The following SCX variants were observed in gnomAD, a reference collection of about 807,000 sequenced individuals.
SCX encodes the protein scleraxis bHLH transcription factor.
SCX carries 7 observed loss-of-function variants against 12.2 expected under a neutral mutation model. The observed-to-expected ratio is 0.57, with a 90% CI of 0.33 to 1.08. The LOEUF is 1.08. SCX is among the 50% of genes least tolerant of loss of function. The pLI, the probability that SCX is intolerant of heterozygous loss-of-function variation, is 0.04. For missense variants in SCX, 342 were observed against 337.2 expected, an observed-to-expected ratio of 1.01 and a Z score of -0.11; for synonymous variants, 193 against 163.9, an observed-to-expected ratio of 1.18 and a Z score of -1.36.
chr8:144,267,897 C>T (rs1245999812), intron 1 of SCX, among the ~76,000 whole-genome samples: 3 of 152,224 alleles, frequency 2.0e-5, no homozygotes, highest in African/African-American at 4.8e-5. Flanking sequence ...GCTCCTGGGG[C>T]CTGAACATCT....
At position 144,266,588 on chromosome 8, in the gene SCX, G is replaced by A. The variant is rs1443210730; in HGVS notation, c.-26G>A. On this transcript the variant is annotated 5_prime_UTR_variant, in exon 1 of 2. Transcript: ENST00000567180. Reference sequence around the variant, plus strand: ...GGCGGCATGAGCAGCGCGCGACAGAGCTGACGCCGCGCCCCCGCCGGCCCC... The same window carrying A: ...GGCGGCATGAGCAGCGCGCGACAGAACTGACGCCGCGCCCCCGCCGGCCCC... The A allele has an allele frequency of 1.8e-6, 2 of 1,088,840 alleles. No homozygotes were observed. Among genetic ancestry groups the A allele is most frequent in the Non-Finnish European group, 1.1e-6 (1 of 892,290 alleles). 67.4% of individuals were successfully genotyped at this position (1,088,840 alleles called of 1,614,324 possible). A position where few individuals can be genotyped will look rare whatever the true frequency, so the allele number is the denominator to read the frequency against.
chr8:144,267,208 G>A, intron 1 of SCX, 28 bp downstream of exon 1: 6 of 1,493,240 alleles, frequency 4.0e-6, no homozygotes, highest in South Asian at 1.3e-5. Flanking sequence ...GGCGCCGAGG[G>A]GGGCCTCCAA....
At chr8:144,268,004 G>T in intron 1 of SCX, 100 bp from the exon 2 acceptor site, 1 of 1,528,954 alleles carries the variant, frequency 6.5e-7, no homozygotes, top group Admixed American at 2.0e-5. Flanking sequence ...GAGGTGCCTT[G>T]GCGCTGGCCA....
At chr8:144,267,379 C>T (rs993974975) in intron 1 of SCX, among the ~76,000 whole-genome samples, 199 bp downstream of exon 1, 2 of 152,082 alleles carry the variant, frequency 1.3e-5, no homozygotes, top group Admixed American at 6.5e-5. Context: ...ACTCGGCTCC[C>T]AGTGGAGTGT....
At chr8:144,267,290 A>G in intron 1 of SCX, 110 bp downstream of exon 1, 1 of 1,280,988 alleles carries the variant, frequency 7.8e-7, no homozygotes, top group Admixed American at 3.2e-5. Context: ...AACAGGGCAC[A>G]GGCAGGCACA....
Position 144,266,467 on chromosome 8 carries a change from A to T in SCX, c.-147A>T, listed in dbSNP as rs1225443446. 7 of 978,504 alleles carry T rather than the reference A, an allele frequency of 7.2e-6. No homozygotes were observed. Among genetic ancestry groups the T allele is most frequent in the Non-Finnish European group, 8.5e-6 (7 of 824,204 alleles). 60.6% of individuals were successfully genotyped at this position (978,504 alleles called of 1,614,324 possible). The stretch of plus-strand genomic sequence containing the variant: ...GGCCCCGCTCCGGCCCGGGACGCAC[A>T]TGTGCGCGCGACGCCCGGCAGCTGC... On this transcript the variant is annotated 5_prime_UTR_variant, in exon 1 of 2. It removes an upstream start codon present in the reference 5' UTR. Coordinates refer to ENST00000567180, the MANE Select transcript of SCX (RefSeq NM_001080514.3).
intron 1 of SCX, 134 bp downstream of exon 1, chr8:144,267,314 C>A: frequency 4.5e-6 from 5 of 1,113,886 alleles, no homozygotes; most frequent in East Asian, 3.5e-5. Flanking sequence ...GTAACACAGG[C>A]CTGCCGGGGG....
intron 1 of SCX, 39 bp downstream of exon 1, chr8:144,267,219 C>T: frequency 2.0e-6 from 3 of 1,485,008 alleles, no homozygotes; most frequent in African/African-American, 1.5e-5. Context: ...GGGCCTCCAA[C>T]GCGCCCCTCA....
intron 1 of SCX, 81 bp downstream of exon 1, chr8:144,267,261 C>A: frequency 7.1e-7 from 1 of 1,413,594 alleles, no homozygotes. Context: ...GAGGCGAGGC[C>A]ACACGGGCAG....
Position 144,266,483 on chromosome 8 carries a change from C to T in SCX, c.-131C>T, listed in dbSNP as rs1343769462. The T allele has an allele frequency of 5.1e-6, 5 of 985,338 alleles. No homozygotes were observed. Among genetic ancestry groups the T allele is most frequent in the African/African-American group, 3.5e-5 (2 of 57,032 alleles). The allele number at this position is 985,338 out of a possible 1,614,324, so 61.0% of individuals were successfully genotyped here. ...GGGACGCACATGTGCGCGCGACGCC[C>T]GGCAGCTGCCACCGCGGGGCGCAGC... On this transcript the variant is annotated 5_prime_UTR_variant, in exon 1 of 2. Transcript: ENST00000567180.
chr8:144,266,963 T>C lies in SCX; in HGVS notation c.350T>C (p.Leu117Pro). ...ADRKLSKIETLRLASSYISHL... is the reference protein window; with the variant it reads ...ADRKLSKIETPRLASSYISHL... ...CGCAAGCTCTCCAAGATTGAGACGC[T>C]GCGCCTGGCCTCCAGCTACATCTCG... The change falls in exon 1 of 2, where the codon CTG (leucine) becomes CCG (proline). Residue 117 changes from leucine (L) to proline (P), a missense_variant. Leu to Pro is a moderately conservative substitution (Grantham distance 98, BLOSUM62 -3). Coordinates refer to ENST00000567180, the MANE Select transcript of SCX (RefSeq NM_001080514.3). The C allele has an allele frequency of 6.4e-7, 1 of 1,557,652 alleles. No homozygotes were observed. Among genetic ancestry groups the C allele is most frequent in the Non-Finnish European group, 8.6e-7 (1 of 1,158,094 alleles).
Position 144,266,959 on chromosome 8 carries a change from A to G in SCX, c.346A>G (p.Thr116Ala). The G allele has an allele frequency of 6.4e-7, 1 of 1,558,496 alleles. No individual in the cohort carries two copies. Among genetic ancestry groups the G allele is most frequent in the Non-Finnish European group, 8.6e-7 (1 of 1,158,466 alleles). The change falls in exon 1 of 2, where the codon ACG becomes GCG. Residue 116 changes from threonine (T) to alanine (A), a missense_variant. Physicochemically the swap from Thr to Ala is moderately conservative, Grantham distance 58 (BLOSUM62 0). Transcript: ENST00000567180. ...PADRKLSKIETLRLASSYISH... is the reference protein window; with the variant it reads ...PADRKLSKIEALRLASSYISH... ...CGACCGCAAGCTCTCCAAGATTGAG[A>G]CGCTGCGCCTGGCCTCCAGCTACAT...
chr8:144,267,449 C>T (rs1405525876), intron 1 of SCX, among the ~76,000 whole-genome samples: 2 of 152,240 alleles, frequency 1.3e-5, no homozygotes, highest in African/African-American at 4.8e-5. Context: ...AAGGGGCCCA[C>T]CCAGGGCGGG....
Position 144,268,164 on chromosome 8 carries a change from G to A in SCX, c.*22G>A. 2 of 1,550,472 alleles carry A rather than the reference G, an allele frequency of 1.3e-6. No individual in the cohort carries two copies. Among genetic ancestry groups the A allele is most frequent in the Non-Finnish European group, 8.7e-7 (1 of 1,147,046 alleles). ...TTAGGAGGTGGCCGGCAGCAGCCAG[G>A]AGGCAGACGCTGCTGGGGGAGGTGG... On this transcript the variant is annotated 3_prime_UTR_variant, in exon 2 of 2. Transcript: ENST00000567180.
Position 144,266,843 on chromosome 8 carries a change from G to C in SCX, c.230G>C (p.Arg77Pro). 7.5e-7 allele frequency: 1 copy of C among 1,338,280 alleles called. No homozygotes were observed. Among genetic ancestry groups the C allele is most frequent in the Non-Finnish European group, 9.7e-7 (1 of 1,032,328 alleles). 82.9% of individuals were successfully genotyped at this position (1,338,280 alleles called of 1,614,324 possible). A position where few individuals can be genotyped will look rare whatever the true frequency, so the allele number is the denominator to read the frequency against. The stretch of plus-strand genomic sequence containing the variant: ...CGGCCAGGCCGTGAGCCCCGGCAGC[G>C]GCACACGGCGAACGCGCGCGAGCGA... The part of the protein sequence containing the change: ...GGRPGREPRQ[R>P]HTANARERDR... The change falls in exon 1 of 2, where the codon CGG becomes CCG. Residue 77 changes from arginine to proline, a missense_variant. Coordinates refer to ENST00000567180, the MANE Select transcript of SCX (RefSeq NM_001080514.3).
At chr8:144,267,994 G>T in intron 1 of SCX, 110 bp from the exon 2 acceptor site, 1 of 1,489,876 alleles carries the variant, frequency 6.7e-7, no homozygotes, top group Non-Finnish European at 9.1e-7. Flanking sequence ...AGCCGGGAAG[G>T]AGGTGCCTTG....
intron 1 of SCX, among the ~76,000 whole-genome samples, chr8:144,267,887 G>A (rs1403903681): frequency 1.3e-5 from 2 of 152,312 alleles, no homozygotes; most frequent in African/African-American, 4.8e-5. Flanking sequence ...GCACGCGCGA[G>A]CTCCTGGGGC....
At position 144,268,130 on chromosome 8, in the gene SCX, G is replaced by T. The variant is rs1356142514; in HGVS notation, c.594G>T (p.Ala198=). The T allele has an allele frequency of 2.6e-6, 4 of 1,551,724 alleles. No homozygotes were observed. The Admixed American group carries it at 5.9e-5, about 23-fold the overall frequency. The change falls in exon 2 of 2, where the codon GCG becomes GCT. Residue 198 remains alanine (A), a synonymous_variant. Transcript: ENST00000567180. ...KLSKDRDRKT[A]IRS ...GCAAGGACCGCGACAGAAAGACAGC[G>T]ATTCGCAGTTAGGAGGTGGCCGGCA...
rs1845425640 is a variant in SCX at position 144,268,212 on chromosome 8, G to GC, written c.*75dup. ...TGGACGCCCGGGGTGACTGCAGACA[G>GC]CCCCCACCTTGGACCTGAGCTGGGC... On this transcript the variant is annotated 3_prime_UTR_variant, in exon 2 of 2. Transcript: ENST00000567180. The GC allele has an allele frequency of 6.5e-7, 1 of 1,542,200 alleles. No homozygotes were observed. Among genetic ancestry groups the GC allele is most frequent in the African/African-American group, 1.4e-5 (1 of 73,014 alleles).
Sources: allele counts gnomAD v4.1 joint callset (sites outside exome capture counted in the v4.1 genomes callset), GRCh38; gene constraint gnomAD v4.1.1; transcripts MANE v1.5; gene names NCBI Gene and HGNC (gene_info 2026-07-23, HGNC 2026-07-21).